The following SNRPE variants were observed in gnomAD, a reference collection of about 807,000 sequenced individuals.
The protein encoded by SNRPE is small nuclear ribonucleoprotein E.
For synonymous variants in SNRPE, 35 were observed against 36.7 expected (o/e 0.95, Z 0.17); for missense variants, 53 against 111.6 (o/e 0.48, Z 2.36).
intron 3 of SNRPE, 67 bp from the exon 4 acceptor site, chr1:203,864,974 G>A: frequency 6.5e-7 from 1 of 1,529,460 alleles, no homozygotes; most frequent in Middle Eastern, 2.4e-4. Flanking sequence ...TATCTGCATA[G>A]GTATACTCAT....
intron 4 of SNRPE, among the ~76,000 whole-genome samples, chr1:203,865,462 C>T (rs977812811): frequency 2.0e-5 from 3 of 152,130 alleles, no homozygotes; most frequent in African/African-American, 7.2e-5. Context: ...GCAGGAAAAA[C>T]CCAAGTAGAT....
intron 2 of SNRPE, 40 bp downstream of exon 2, chr1:203,862,262 G>A (rs368771421): frequency 1.9e-4 from 275 of 1,419,648 alleles, no homozygotes; most frequent in Non-Finnish European, 2.5e-4. Context: ...TTTTAAATAA[G>A]AGGTGAACTG....
intron 1 of SNRPE, chr1:203,861,940 G>A (rs1281342388): frequency 1.6e-6 from 1 of 613,974 alleles, no homozygotes; most frequent in Non-Finnish European, 2.9e-6. Context: ...GGCAAAAGGA[G>A]GGAAGAGAAC....
intron 4 of SNRPE, among the ~76,000 whole-genome samples, chr1:203,868,248 G>A (rs1292086735): frequency 6.6e-6 from 1 of 152,024 alleles, no homozygotes; most frequent in Non-Finnish European, 1.5e-5. Flanking sequence ...TAGAGACGGG[G>A]TTTCACTGTG....
intron 4 of SNRPE, among the ~76,000 whole-genome samples, chr1:203,868,630 A>G (rs571203409): frequency 3.3e-5 from 5 of 152,128 alleles, no homozygotes; most frequent in East Asian, 1.9e-4. Context: ...TGCTTAGACT[A>G]TTTTTATGAA....
chr1:203,867,540 A>C (rs1158574079), intron 4 of SNRPE, among the ~76,000 whole-genome samples: 1 of 152,186 alleles, frequency 6.6e-6, no homozygotes, highest in Non-Finnish European at 1.5e-5. Context: ...GATGGGAGAC[A>C]GTGACAGATC....
chr1:203,861,806 C>CG, intron 1 of SNRPE, 93 bp downstream of exon 1: 1 of 943,412 alleles, frequency 1.1e-6, no homozygotes, highest in Non-Finnish European at 1.8e-6. Flanking sequence ...TAGTGGAGTA[C>CG]GGATCCACAT....
chr1:203,868,454 G>T (rs1211724364), intron 4 of SNRPE, among the ~76,000 whole-genome samples: 1 of 152,134 alleles, frequency 6.6e-6, no homozygotes, highest in East Asian at 1.9e-4. Flanking sequence ...TTCACTTGAG[G>T]TTTATTTAGG....
At chr1:203,863,796 C>T in intron 3 of SNRPE, 71 bp downstream of exon 3, 1 of 1,047,466 alleles carries the variant, frequency 9.5e-7, no homozygotes, top group Non-Finnish European at 1.5e-6. Context: ...AGTGTCTAGC[C>T]AGAACAGTGT....
chr1:203,862,287 G>A (rs1273424718), intron 2 of SNRPE, 65 bp downstream of exon 2: 4 of 1,121,962 alleles, frequency 3.6e-6, no homozygotes, highest in South Asian at 1.2e-5. Context: ...AGTTTTTTGT[G>A]TTAACCTGAG....
chr1:203,862,133 G>A (rs11240609), intron 1 of SNRPE, 63 bp from the exon 2 acceptor site: 150,994 of 1,298,196 alleles, frequency 0.12, 9,552 homozygotes, highest in African/African-American at 0.14. Flanking sequence ...AGCGTCGTCC[G>A]GTTGTTTCAG....
At chr1:203,867,118 A>AC (rs1273904215) in intron 4 of SNRPE, among the ~76,000 whole-genome samples, 5 of 36,002 alleles carry the variant, frequency 1.4e-4, no homozygotes, top group Non-Finnish European at 3.3e-4. Context: ...AAAAAAAAAA[A>AC]AAAAAAAAAA....
intron 4 of SNRPE, among the ~76,000 whole-genome samples, chr1:203,866,519 G>A (rs978195115): frequency 6.6e-6 from 1 of 152,090 alleles, no homozygotes; most frequent in African/African-American, 2.4e-5. Flanking sequence ...TGTTTCAAAG[G>A]CTTCTTAAAG....
At chr1:203,867,813 G>T (rs1022811203) in intron 4 of SNRPE, among the ~76,000 whole-genome samples, 2 of 152,092 alleles carry the variant, frequency 1.3e-5, no homozygotes, top group Non-Finnish European at 2.9e-5. Context: ...GGGTTAGGAA[G>T]CCCTGCTCTA....
At chr1:203,863,764 C>T (rs760221764) in intron 3 of SNRPE, 39 bp downstream of exon 3, 17 of 1,367,300 alleles carry the variant, frequency 1.2e-5, no homozygotes, top group South Asian at 4.7e-5. Context: ...GCAGTTCGGT[C>T]GTAGAAAAAG....
In SNRPE at chr1:203,864,876, C is replaced by CAAAAAA. The variant is rs61506397; in HGVS notation, c.145-145_145-140dup. Among the ~76,000 whole-genome samples the CAAAAAA allele has an allele frequency of 1.3e-4, 15 of 119,294 alleles. No homozygotes were observed. The East Asian group carries it at 2.1e-3, about 16-fold the overall frequency. 78.3% of individuals were successfully genotyped at this position (119,294 alleles called of 152,430 possible). The stretch of plus-strand genomic sequence containing the variant: ...TGGAAGACAAAGTGAGATCCTTTCT[C>CAAAAAA]AAAAAAAAAAAAAAAAAAAAAAAAA... On this transcript the variant is annotated intron_variant, in intron 3 of 4. Transcript: ENST00000414487.
At chr1:203,863,634 T>A (rs1690023443) in intron 2 of SNRPE, 29 bp from the exon 3 acceptor site, 1 of 1,593,426 alleles carries the variant, frequency 6.3e-7, no homozygotes, top group Non-Finnish European at 8.6e-7. Flanking sequence ...TTTCTTTTTT[T>A]AACGTTTCCA....
At chr1:203,862,693 G>A (rs1690001642) in intron 2 of SNRPE, among the ~76,000 whole-genome samples, 1 of 152,200 alleles carries the variant, frequency 6.6e-6, no homozygotes, top group South Asian at 2.1e-4. Flanking sequence ...GAGGAGTTTA[G>A]TGGCAGCTGC....
At position 203,867,982 on chromosome 1, in the gene SNRPE, G is replaced by T. The variant is rs555124006; in HGVS notation, c.224-1895G>T. On this transcript the variant is annotated intron_variant, in intron 4 of 4. Coordinates refer to ENST00000414487, the MANE Select transcript of SNRPE (RefSeq NM_003094.4). Reference sequence around the variant, plus strand: ...TAAGTGTATGAGTCATGCCTTTTTTGATCCCAGTGTGCTCAGTACCTAACT... The same window carrying T: ...TAAGTGTATGAGTCATGCCTTTTTTTATCCCAGTGTGCTCAGTACCTAACT... Among the ~76,000 whole-genome samples the T allele has an allele frequency of 4.6e-5, 7 of 152,154 alleles. No individual in the cohort carries two copies. In the South Asian group the frequency reaches 1.2e-3, roughly 27 times the overall value.
Sources: gnomAD v4.1 joint callset for allele counts (sites outside exome capture counted in the v4.1 genomes callset) on GRCh38, gnomAD v4.1.1 for gene constraint, MANE v1.5 for transcripts, NCBI Gene and HGNC (gene_info 2026-07-23, HGNC 2026-07-21) for gene names.